PAIP1: variants seen among roughly 807,000 people sequenced by gnomAD.
The protein encoded by PAIP1 is poly(A) binding protein interacting protein 1.
PAIP1 carries 16 observed loss-of-function variants against 61.3 expected under a neutral mutation model. The observed-to-expected ratio is 0.26, with a 90% CI of 0.18 to 0.40. The LOEUF is 0.40. Ranked by LOEUF, PAIP1 falls within the 10% of genes least tolerant of loss-of-function variation. The pLI is 1.00. For synonymous variants in PAIP1, 187 were observed against 226.2 expected (o/e 0.83, Z 1.56); for missense variants, 416 against 600.9 (o/e 0.69, Z 3.22).
chr5:43,532,661 A>G (rs1459239638), intron 9 of PAIP1, among the ~76,000 whole-genome samples: 2 of 152,244 alleles, frequency 1.3e-5, no homozygotes, highest in African/African-American at 4.8e-5. Context: ...ATGACATTAT[A>G]AACAAAATGC....
At chr5:43,533,685 T>C (rs543149646) in intron 9 of PAIP1, 53 bp downstream of exon 9, 1 of 1,119,174 alleles carries the variant, frequency 8.9e-7, no homozygotes, top group South Asian at 1.2e-5. Context: ...TTTCTGTAAA[T>C]TTACTACTTT....
intron 2 of PAIP1, among the ~76,000 whole-genome samples, chr5:43,553,914 C>A (rs1411076544): frequency 1.3e-5 from 2 of 152,172 alleles, no homozygotes; most frequent in Non-Finnish European, 1.5e-5. Flanking sequence ...CCAGAACATT[C>A]AAGTTTCTAA....
intron 4 of PAIP1, among the ~76,000 whole-genome samples, chr5:43,539,645 C>T (rs1747317694): frequency 6.6e-6 from 1 of 152,178 alleles, no homozygotes; most frequent in South Asian, 2.1e-4. Context: ...ATGAGACTGA[C>T]AGCTTCAAAT....
At chr5:43,556,090 G>GTT in intron 1 of PAIP1, 91 bp from the exon 2 acceptor site, 1 of 1,484,210 alleles carries the variant, frequency 6.7e-7, no homozygotes, top group South Asian at 1.4e-5. Flanking sequence ...AAAAGCGTCT[G>GTT]TTTTTAAGAG....
rs70997413 is a variant in PAIP1 at position 43,543,700 on chromosome 5, G to GA, written c.622-585dup. The stretch of plus-strand genomic sequence containing the variant: ...AAAACAGCTAAGCTACTTAAAAACA[G>GA]AAAAAAAAAAAAGTAAGAAAACACT... On this transcript the variant is annotated intron_variant, in intron 3 of 10. Transcript: ENST00000306846. 9.5e-3 allele frequency among the ~76,000 whole-genome samples: 1,284 copies of GA among 135,494 alleles called. 13 individuals are homozygous for GA. The highest frequency in any genetic ancestry group is 0.034 in the Middle Eastern group (9 of 268). The allele number at this position is 135,494 out of a possible 152,430, so 88.9% of individuals were successfully genotyped here.
At chr5:43,551,662 C>T (rs563032151) in intron 2 of PAIP1, among the ~76,000 whole-genome samples, 8 of 152,106 alleles carry the variant, frequency 5.3e-5, no homozygotes, top group Non-Finnish European at 1.0e-4. Context: ...AGGTACGGGT[C>T]CCAGCTGAAA....
intron 2 of PAIP1, among the ~76,000 whole-genome samples, chr5:43,554,229 C>G (rs143084041): frequency 6.6e-6 from 1 of 152,168 alleles, no homozygotes; most frequent in Non-Finnish European, 1.5e-5. Context: ...ACCCCTGTAT[C>G]CCTCCATCAT....
intron 2 of PAIP1, among the ~76,000 whole-genome samples, chr5:43,551,144 G>A (rs546608965): frequency 1.3e-5 from 2 of 152,248 alleles, no homozygotes; most frequent in South Asian, 4.1e-4. Context: ...AACAGGATGG[G>A]GGAAAGAGGG....
chr5:43,532,911 C>A (rs1159350749), intron 9 of PAIP1, among the ~76,000 whole-genome samples: 1 of 152,160 alleles, frequency 6.6e-6, no homozygotes, highest in Admixed American at 6.5e-5. Context: ...GAATTTCATA[C>A]AATCTGATGG....
chr5:43,528,673 CAT>C (rs1487477201), intron 10 of PAIP1, among the ~76,000 whole-genome samples: 7 of 151,686 alleles, frequency 4.6e-5, no homozygotes, highest in Non-Finnish European at 1.5e-5. Flanking sequence ...CAAACCGACA[CAT>C]AATTAAAATA....
At chr5:43,549,889 T>A (rs1747796466) in intron 2 of PAIP1, among the ~76,000 whole-genome samples, 2 of 151,888 alleles carry the variant, frequency 1.3e-5, no homozygotes, top group African/African-American at 4.8e-5. Flanking sequence ...CCCAGCTAAT[T>A]TTTTTTGTAT....
intron 9 of PAIP1, among the ~76,000 whole-genome samples, chr5:43,531,500 ATAC>A (rs1746928182): frequency 8.9e-6 from 1 of 112,280 alleles, no homozygotes. Context: ...AAAAAAAAAA[ATAC>A]AAAATTAGCC....
intron 9 of PAIP1, among the ~76,000 whole-genome samples, chr5:43,531,656 CAAAAAAAAAAAAAAA>C (rs369954867): frequency 1.7e-5 from 1 of 59,868 alleles, no homozygotes; most frequent in Admixed American, 2.4e-4. Flanking sequence ...GACTCTGTCT[CAAAAAAAAAAAAAAA>C]AAAAAAGAGA....
intron 2 of PAIP1, among the ~76,000 whole-genome samples, 191 bp downstream of exon 2, chr5:43,555,639 T>C (rs1360789881): frequency 1.3e-5 from 2 of 152,254 alleles, no homozygotes; most frequent in Non-Finnish European, 2.9e-5. Context: ...TTCTAATACC[T>C]TGAATATAAC....
rs949585021 is a variant in PAIP1 at position 43,556,372 on chromosome 5, C to A, written c.265+210G>T. ...CTCCGAGACCGCGCACCCGGCCCCT[C>A]CCCCCAGCCAGGCGCACAAAGGATT... On this transcript the variant is annotated intron_variant, in intron 1 of 10. Coordinates refer to ENST00000306846, the MANE Select transcript of PAIP1 (RefSeq NM_006451.5). 2.6e-4 allele frequency: 323 copies of A among 1,232,058 alleles called. No individual in the cohort carries two copies. The highest frequency in any genetic ancestry group is 3.0e-4 in the Non-Finnish European group (299 of 988,178). The allele number at this position is 1,232,058 out of a possible 1,614,324, so 76.3% of individuals were successfully genotyped here. A position where few individuals can be genotyped will look rare whatever the true frequency, so the allele number is the denominator to read the frequency against.
Position 43,547,822 on chromosome 5 carries a change from A to T in PAIP1, c.527T>A (p.Phe176Tyr). The part of the protein sequence containing the change: ...LNHLTEQPGS[F>Y]ETEIEQFAET... ...TGCAAACTGTTCAATTTCAGTTTCA[A>T]AACTGCCAGGCTGCTCTGTAAGATG... Residue 176 changes from phenylalanine (F) to tyrosine (Y), a missense_variant, in exon 3 of 11, where the codon TTT becomes TAT. By Grantham distance (22) the Phe-to-Tyr change is conservative. Coordinates refer to ENST00000306846, the MANE Select transcript of PAIP1 (RefSeq NM_006451.5). 6.2e-7 allele frequency: 1 copy of T among 1,612,154 alleles called. No homozygotes were observed. The highest frequency in any genetic ancestry group is 8.5e-7 in the Non-Finnish European group (1 of 1,178,596).
At chr5:43,540,203 G>T (rs1747342390) in intron 4 of PAIP1, among the ~76,000 whole-genome samples, 1 of 152,020 alleles carries the variant, frequency 6.6e-6, no homozygotes, top group Non-Finnish European at 1.5e-5. Context: ...AGTCAAATGT[G>T]GTAAGATATT....
chr5:43,527,554 C>T, intron 10 of PAIP1, 85 bp from the exon 11 acceptor site: 2 of 1,244,658 alleles, frequency 1.6e-6, no homozygotes, highest in African/African-American at 1.5e-5. Flanking sequence ...TAATGTAATA[C>T]AACTTTCCTA....
intron 9 of PAIP1, among the ~76,000 whole-genome samples, chr5:43,530,246 G>A (rs77112573): frequency 0.014 from 2,104 of 152,322 alleles, 58 homozygotes; most frequent in East Asian, 0.13. Context: ...ATTGGTCTCT[G>A]TTCCTCAGAT....
Sources: gnomAD v4.1 joint callset for allele counts (sites outside exome capture counted in the v4.1 genomes callset) on GRCh38, gnomAD v4.1.1 for gene constraint, MANE v1.5 for transcripts, NCBI Gene and HGNC (gene_info 2026-07-23, HGNC 2026-07-21) for gene names.